CNTN4: variants seen among roughly 807,000 people sequenced by gnomAD.
The protein encoded by CNTN4 is contactin 4.
Under a neutral mutation model 122.5 loss-of-function variants are expected in CNTN4, and 77 were observed. The ratio of observed to expected loss-of-function variants is 0.63; its 90% CI spans 0.52 to 0.76. CNTN4 has a LOEUF of 0.76. CNTN4 is among the 30% of genes least tolerant of loss of function. The pLI, the probability that CNTN4 is intolerant of heterozygous loss-of-function variation, is 0.00. For missense variants in CNTN4, 1,256 were observed against 1,259.1 expected (o/e 1.00, Z 0.04); for synonymous variants, 512 against 447.0 (o/e 1.15, Z -1.83).
intron 4 of CNTN4, among the ~76,000 whole-genome samples, chr3:2,576,045 C>G (rs1173959971): frequency 6.6e-6 from 1 of 151,998 alleles, no homozygotes; most frequent in African/African-American, 2.4e-5. Flanking sequence ...CCATGTTAGC[C>G]AGGATGGTCT....
At chr3:3,051,788 C>G (rs1559840062) in intron 23 of CNTN4, among the ~76,000 whole-genome samples, 1 of 152,136 alleles carries the variant, frequency 6.6e-6, no homozygotes, top group Non-Finnish European at 1.5e-5. Context: ...CTAAACCATT[C>G]TAAAGGAATT....
intron 3 of CNTN4, among the ~76,000 whole-genome samples, chr3:2,504,892 G>A (rs2076692322): frequency 6.6e-6 from 1 of 152,044 alleles, no homozygotes; most frequent in African/African-American, 2.4e-5. Context: ...AAAGGTTGGG[G>A]GACTGTTCTC....
intron 7 of CNTN4, among the ~76,000 whole-genome samples, chr3:2,832,637 G>A (rs935134495): frequency 3.3e-5 from 5 of 152,184 alleles, no homozygotes; most frequent in East Asian, 1.9e-4. Context: ...CATGGCACAT[G>A]AGTATGGACA....
intron 3 of CNTN4, among the ~76,000 whole-genome samples, chr3:2,501,221 G>T (rs1449796686): frequency 6.6e-6 from 1 of 152,120 alleles, no homozygotes. Context: ...AAATGGATTT[G>T]TAGGAGTTTG....
chr3:2,979,304 G>A (rs546843242), intron 13 of CNTN4, among the ~76,000 whole-genome samples: 2 of 152,244 alleles, frequency 1.3e-5, no homozygotes, highest in African/African-American at 4.8e-5. Flanking sequence ...TGGTGAAGGG[G>A]AGGTAAAAGG....
At chr3:2,330,490 G>A (rs1393837737) in intron 2 of CNTN4, among the ~76,000 whole-genome samples, 2 of 152,114 alleles carry the variant, frequency 1.3e-5, no homozygotes, top group African/African-American at 4.8e-5. Flanking sequence ...GGAGATTCCA[G>A]GGATTTTAGG....
chr3:2,752,088 T>G (rs2090122024), intron 6 of CNTN4, among the ~76,000 whole-genome samples: 1 of 151,834 alleles, frequency 6.6e-6, no homozygotes, highest in Non-Finnish European at 1.5e-5. Flanking sequence ...GCTTCTGTGT[T>G]TTTTTGTCTG....
At chr3:2,609,890 G>C (rs752179374) in intron 4 of CNTN4, among the ~76,000 whole-genome samples, 1 of 152,044 alleles carries the variant, frequency 6.6e-6, no homozygotes, top group Non-Finnish European at 1.5e-5. Context: ...TTAAACAAAT[G>C]TCATTGATTT....
intron 2 of CNTN4, among the ~76,000 whole-genome samples, chr3:2,296,049 G>T (rs1363920148): frequency 2.6e-5 from 4 of 151,994 alleles, no homozygotes; most frequent in Non-Finnish European, 5.9e-5. Context: ...CTCTGTTTTG[G>T]TACCAGTACC....
At chr3:2,100,495 C>G (rs1359872053) in intron 1 of CNTN4, 63 bp from the exon 2 acceptor site, 1 of 152,170 alleles carries the variant, frequency 6.6e-6, no homozygotes, top group Non-Finnish European at 1.5e-5. Flanking sequence ...CAGGTCCATA[C>G]AATAGCGTTC....
intron 3 of CNTN4, among the ~76,000 whole-genome samples, chr3:2,448,880 G>A (rs879739586): frequency 2.6e-4 from 40 of 152,192 alleles, no homozygotes; most frequent in Non-Finnish European, 4.1e-4. Flanking sequence ...GAATGATGAG[G>A]TACCATATCA....
rs139962137 is a variant in CNTN4, at chr3:2,371,383, T to A, written c.-89+32150T>A. On this transcript the variant is annotated intron_variant, in intron 3 of 24. Coordinates refer to ENST00000418658, the MANE Select transcript of CNTN4 (RefSeq NM_175607.3). ...TACAATTTACCTTTAACACCCTATT[T>A]AAAATTACAAACCCCAACCCCAATG... Among the ~76,000 whole-genome samples the A allele has an allele frequency of 6.6e-3, 1,007 of 152,290 alleles. 5 individuals carry two copies. The highest frequency in any genetic ancestry group is 0.031 in the Middle Eastern group (9 of 294).
At chr3:2,960,663 A>G (rs2094843553) in intron 13 of CNTN4, among the ~76,000 whole-genome samples, 1 of 152,172 alleles carries the variant, frequency 6.6e-6, no homozygotes, top group Non-Finnish European at 1.5e-5. Context: ...TGTTGAAGAG[A>G]GACAACTTTC....
In CNTN4 at chr3:2,627,727, T is replaced by G. The variant is rs544600238; in HGVS notation, c.55+56169T>G. ...CCAGGATGGTCTCGATCTCCTGACC[T>G]TGTGATCTGCCCGCCTCGGCCTCCC... On this transcript the variant is annotated intron_variant, in intron 4 of 24. Coordinates refer to ENST00000418658, the MANE Select transcript of CNTN4 (RefSeq NM_175607.3). Among the ~76,000 whole-genome samples the G allele has an allele frequency of 1.2e-4, 18 of 152,114 alleles. No homozygotes were observed. The East Asian group carries it at 3.5e-3, about 29-fold the overall frequency.
intron 13 of CNTN4, among the ~76,000 whole-genome samples, chr3:2,984,435 T>C (rs1694361304): frequency 6.6e-6 from 1 of 152,166 alleles, no homozygotes; most frequent in South Asian, 2.1e-4. Flanking sequence ...GTTAGAGCTA[T>C]GGGAGTCCAG....
chr3:2,135,797 A>C (rs1282270528), intron 2 of CNTN4, among the ~76,000 whole-genome samples: 2 of 152,214 alleles, frequency 1.3e-5, no homozygotes, highest in African/African-American at 4.8e-5. Context: ...GGTTACCATA[A>C]GTATGGAAAA....
In CNTN4 at chr3:2,810,198, G is replaced by C. The variant is rs185093383; in HGVS notation, c.359-9288G>C. Among the ~76,000 whole-genome samples, 614 of 152,260 alleles carry C rather than the reference G, an allele frequency of 4.0e-3. 2 individuals are homozygous for C. Among genetic ancestry groups the C allele is most frequent in the African/African-American group, 0.014 (568 of 41,560 alleles). On this transcript the variant is annotated intron_variant, in intron 6 of 24. Transcript: ENST00000418658. The stretch of plus-strand genomic sequence containing the variant: ...GTTTATTTTTCTTTCTATTAAATGA[G>C]AATAGTAATAGAACCCACCTCAAAG...
chr3:2,840,021 C>G (rs1559563740), intron 7 of CNTN4, among the ~76,000 whole-genome samples: 1 of 152,286 alleles, frequency 6.6e-6, no homozygotes, highest in East Asian at 1.9e-4. Context: ...GCCAAGATCT[C>G]TGGTGACGTT....
intron 3 of CNTN4, among the ~76,000 whole-genome samples, chr3:2,425,356 G>T (rs548911852): frequency 6.6e-6 from 1 of 152,052 alleles, no homozygotes; most frequent in East Asian, 1.9e-4. Flanking sequence ...GTTTTTGTCA[G>T]GTTTGTCAAA....
Sources: gnomAD v4.1 joint callset for allele counts (sites outside exome capture counted in the v4.1 genomes callset) on GRCh38, gnomAD v4.1.1 for gene constraint, MANE v1.5 for transcripts, NCBI Gene and HGNC (gene_info 2026-07-23, HGNC 2026-07-21) for gene names.